Variants in THSD7B observed in about 807,000 individuals in gnomAD.
The protein encoded by THSD7B is thrombospondin type 1 domain containing 7B.
Under a neutral mutation model 213.6 loss-of-function variants are expected in THSD7B, and 138 were observed. That is an observed-to-expected ratio of 0.65 (90% CI 0.56 to 0.74). The LOEUF (loss-of-function observed/expected upper bound fraction) is 0.74. Among genes scored for constraint, THSD7B ranks in the 30% least tolerant of loss-of-function variants. The pLI is 0.00. For synonymous variants in THSD7B, 742 were observed against 687.0 expected, an observed-to-expected ratio of 1.08 and a Z score of -1.25; for missense variants, 1,931 against 1,991.5, an observed-to-expected ratio of 0.97 and a Z score of 0.58.
intron 2 of THSD7B, among the ~76,000 whole-genome samples, chr2:137,047,604 C>T (rs377699421): frequency 6.6e-6 from 1 of 152,118 alleles, no homozygotes; most frequent in African/African-American, 2.4e-5. Context: ...ACAAGGTCCA[C>T]GTGTCTTGTT....
chr2:137,065,689 G>T, intron 3 of THSD7B, among the ~76,000 whole-genome samples: 1 of 150,596 alleles, frequency 6.6e-6, no homozygotes, highest in East Asian at 1.9e-4. Context: ...TTCTTTCTTA[G>T]CATATCAGTT....
At position 136,802,931 on chromosome 2, in the gene THSD7B, A is replaced by G. The variant is rs1450898742; in HGVS notation, c.-36+37244A>G. Among the ~76,000 whole-genome samples, 5 of 151,934 alleles carry G rather than the reference A, an allele frequency of 3.3e-5. No individual in the cohort carries two copies. The East Asian group carries it at 7.7e-4, about 24-fold the overall frequency. Reference sequence around the variant, plus strand: ...GGGTATGCTACGAAACATTTTGCCTACATCAGAGCTAATATCTAACAACAG... The same window carrying G: ...GGGTATGCTACGAAACATTTTGCCTGCATCAGAGCTAATATCTAACAACAG... On this transcript the variant is annotated intron_variant, in intron 1 of 27. Coordinates refer to ENST00000409968, the MANE Select transcript of THSD7B (RefSeq NM_001316349.2).
At chr2:137,084,821 G>T (rs1687808524) in intron 3 of THSD7B, among the ~76,000 whole-genome samples, 1 of 152,116 alleles carries the variant, frequency 6.6e-6, no homozygotes, top group South Asian at 2.1e-4. Flanking sequence ...CAAATATTCA[G>T]ATTTCCAGGT....
chr2:137,153,104 T>C (rs1259739044), intron 5 of THSD7B, among the ~76,000 whole-genome samples: 2 of 152,188 alleles, frequency 1.3e-5, no homozygotes, highest in Non-Finnish European at 2.9e-5. Context: ...CATATGATAA[T>C]AGAAACATGA....
intron 13 of THSD7B, among the ~76,000 whole-genome samples, chr2:137,409,137 G>A (rs542720781): frequency 6.6e-6 from 1 of 152,308 alleles, no homozygotes; most frequent in Admixed American, 6.5e-5. Context: ...AGCCACTTCA[G>A]AGTTTTCAGT....
At chr2:137,266,893 CT>C (rs1291162004) in intron 10 of THSD7B, among the ~76,000 whole-genome samples, 1 of 152,164 alleles carries the variant, frequency 6.6e-6, no homozygotes, top group African/African-American at 2.4e-5. Flanking sequence ...TAAGTCAGTT[CT>C]TTATTGTAGC....
At chr2:137,202,075 A>T (rs9287471) in intron 7 of THSD7B, among the ~76,000 whole-genome samples, 143,336 of 152,208 alleles carry the variant, frequency 0.94, 67,591 homozygotes, top group Middle Eastern at 0.98. Flanking sequence ...GTAATTTCAC[A>T]TTCAGAACGC....
chr2:137,095,736 C>T (rs115114844), intron 4 of THSD7B, among the ~76,000 whole-genome samples: 3,302 of 152,168 alleles, frequency 0.022, 44 homozygotes, highest in Non-Finnish European at 0.033. Context: ...ACTCTTGTTG[C>T]CCAGGGTGGA....
chr2:137,003,458 T>C (rs1381965376), intron 2 of THSD7B, among the ~76,000 whole-genome samples: 1 of 152,160 alleles, frequency 6.6e-6, no homozygotes, highest in Non-Finnish European at 1.5e-5. Flanking sequence ...TGCTCAAATA[T>C]TTGAAGTCAG....
intron 7 of THSD7B, among the ~76,000 whole-genome samples, chr2:137,218,493 G>A (rs1681296702): frequency 6.6e-6 from 1 of 151,852 alleles, no homozygotes; most frequent in South Asian, 2.1e-4. Flanking sequence ...ATTGAGTGTT[G>A]TAATAACTGG....
chr2:137,539,595 T>C (rs887138490), intron 15 of THSD7B, among the ~76,000 whole-genome samples: 3 of 151,760 alleles, frequency 2.0e-5, no homozygotes, highest in Non-Finnish European at 4.4e-5. Context: ...ACAGCTTGTA[T>C]AGAGGATGAA....
intron 25 of THSD7B, among the ~76,000 whole-genome samples, chr2:137,662,149 G>T (rs924562246): frequency 7.0e-6 from 1 of 143,264 alleles, no homozygotes; most frequent in African/African-American, 2.6e-5. Context: ...TGCAACCACC[G>T]CCTCCTGGGT....
intron 15 of THSD7B, among the ~76,000 whole-genome samples, chr2:137,483,959 T>C (rs535117515): frequency 1.3e-5 from 2 of 152,166 alleles, no homozygotes; most frequent in South Asian, 4.1e-4. Context: ...AGAGAACACC[T>C]TGAGGGCTGG....
chr2:137,410,431 A>G (rs1458728519), intron 13 of THSD7B, among the ~76,000 whole-genome samples: 2 of 151,760 alleles, frequency 1.3e-5, no homozygotes, highest in Admixed American at 1.3e-4. Context: ...ACCACACCTG[A>G]CTAATTTTTG....
intron 7 of THSD7B, among the ~76,000 whole-genome samples, chr2:137,207,534 G>T (rs1341572009): frequency 6.6e-6 from 1 of 152,050 alleles, no homozygotes; most frequent in Non-Finnish European, 1.5e-5. Flanking sequence ...TTGTTTGCAA[G>T]AAGAAGACCC....
chr2:137,058,714 C>T (rs538107415), intron 3 of THSD7B, among the ~76,000 whole-genome samples: 1 of 152,220 alleles, frequency 6.6e-6, no homozygotes, highest in East Asian at 1.9e-4. Context: ...TTTTAGGAGG[C>T]ATGGGGCCTT....
chr2:137,130,847 A>G (rs1688716521), intron 5 of THSD7B, among the ~76,000 whole-genome samples: 1 of 136,388 alleles, frequency 7.3e-6, no homozygotes, highest in Admixed American at 7.7e-5. Context: ...ATACGTGTGC[A>G]TGTGTCTTTA....
chr2:137,534,245 A>C (rs749204738), intron 15 of THSD7B, among the ~76,000 whole-genome samples: 4 of 151,722 alleles, frequency 2.6e-5, no homozygotes, highest in Admixed American at 6.6e-5. Flanking sequence ...AGGGGTAAAG[A>C]GGATTAATGA....
chr2:137,039,144 ATTC>A (rs1453157846), intron 2 of THSD7B, among the ~76,000 whole-genome samples: 1 of 152,158 alleles, frequency 6.6e-6, no homozygotes, highest in East Asian at 1.9e-4. Flanking sequence ...CACTTCTTTT[ATTC>A]TTCTTTAAAA....
Sources: allele counts gnomAD v4.1 joint callset (sites outside exome capture counted in the v4.1 genomes callset), GRCh38; gene constraint gnomAD v4.1.1; transcripts MANE v1.5; gene names NCBI Gene and HGNC (gene_info 2026-07-23, HGNC 2026-07-21).